Variants in NAALADL2 observed in about 807,000 individuals in gnomAD.
The protein encoded by NAALADL2 is N-acetylated alpha-linked acidic dipeptidase like 2.
A neutral mutation model predicts 87.2 loss-of-function variants in NAALADL2; 76 were observed. That is an observed-to-expected ratio of 0.87 (90% CI 0.72 to 1.05). The LOEUF is 1.05. Among genes scored for constraint, NAALADL2 ranks in the 50% least tolerant of loss-of-function variants. NAALADL2 has a pLI of 0.00. For synonymous variants in NAALADL2, 354 were observed against 331.0 expected, an observed-to-expected ratio of 1.07 and a Z score of -0.75; for missense variants, 1,089 against 945.8, an observed-to-expected ratio of 1.15 and a Z score of -1.99.
At chr3:175,512,353 T>A (rs956699515) in intron 9 of NAALADL2, among the ~76,000 whole-genome samples, 4 of 152,206 alleles carry the variant, frequency 2.6e-5, no homozygotes, top group South Asian at 2.1e-4. Flanking sequence ...CTGCAGAGGC[T>A]GTATCATGGT....
At chr3:175,047,842 C>A (rs193183309) in intron 1 of NAALADL2, among the ~76,000 whole-genome samples, 1 of 152,326 alleles carries the variant, frequency 6.6e-6, no homozygotes, top group African/African-American at 2.4e-5. Flanking sequence ...CATATATTCA[C>A]AACTGGCAAA....
chr3:175,293,134 T>A (rs1755877628), intron 4 of NAALADL2, among the ~76,000 whole-genome samples: 1 of 149,854 alleles, frequency 6.7e-6, no homozygotes, highest in South Asian at 2.1e-4. Context: ...TAGGGGAAGA[T>A]ATAGCCCTTT....
At chr3:175,178,497 G>T (rs937530538) in intron 2 of NAALADL2, among the ~76,000 whole-genome samples, 3 of 151,918 alleles carry the variant, frequency 2.0e-5, no homozygotes, top group Non-Finnish European at 2.9e-5. Flanking sequence ...GATCACGTGA[G>T]TTTATTACAG....
intron 13 of NAALADL2, among the ~76,000 whole-genome samples, chr3:175,782,852 G>A (rs62287265): frequency 7.6e-5 from 11 of 145,322 alleles, no homozygotes; most frequent in African/African-American, 2.5e-4. Flanking sequence ...TAATGTTTAA[G>A]TCTTTAATCC....
At chr3:175,014,706 T>C (rs1438266353) in intron 1 of NAALADL2, among the ~76,000 whole-genome samples, 3 of 152,172 alleles carry the variant, frequency 2.0e-5, no homozygotes, top group Admixed American at 6.6e-5. Context: ...AAGTTACTTG[T>C]ATTTTACAGG....
At chr3:174,603,806 A>T (rs961155805) in intron 2 of NAALADL2, among the ~76,000 whole-genome samples, 5 of 151,890 alleles carry the variant, frequency 3.3e-5, no homozygotes, top group Admixed American at 6.6e-5. Flanking sequence ...AGAATTTTTT[A>T]AAAATTTTTT....
intron 1 of NAALADL2, among the ~76,000 whole-genome samples, chr3:174,912,213 G>A (rs1214992510): frequency 6.6e-6 from 1 of 152,036 alleles, no homozygotes; most frequent in African/African-American, 2.4e-5. Flanking sequence ...GGGTGGGGCA[G>A]CAACAAGATA....
rs1714395357 is a variant in NAALADL2 at position 174,567,254 on chromosome 3, C to T, written c.-115+16617C>T. ...AATAAAATTGGAAATATAATGTGTA[C>T]ATATATACATATTTTAAGTAATTTT... On this transcript the variant is annotated intron_variant, in intron 2 of 3. Transcript: ENST00000434257. Among the ~76,000 whole-genome samples the T allele has an allele frequency of 4.6e-5, 7 of 151,422 alleles. No individual in the cohort carries two copies. In the South Asian group the frequency reaches 1.5e-3, roughly 31 times the overall value.
chr3:175,059,207 C>A (rs73038480), intron 1 of NAALADL2, among the ~76,000 whole-genome samples: 4,848 of 151,562 alleles, frequency 0.032, 266 homozygotes, highest in African/African-American at 0.11. Context: ...TTTTTTCCCA[C>A]AAGTTTTTCA....
At chr3:174,647,045 A>C (rs900443781) in intron 2 of NAALADL2, among the ~76,000 whole-genome samples, 1 of 152,078 alleles carries the variant, frequency 6.6e-6, no homozygotes, top group Admixed American at 6.6e-5. Flanking sequence ...TAGAAATATA[A>C]TTTACAGATG....
chr3:175,132,019 G>A (rs1303359894), intron 2 of NAALADL2, among the ~76,000 whole-genome samples: 22 of 121,770 alleles, frequency 1.8e-4, no homozygotes, highest in East Asian at 2.9e-4. Flanking sequence ...CCTCCCTCCC[G>A]GACGGGGCGG....
chr3:174,470,214 C>T (rs995843870), intron 1 of NAALADL2, among the ~76,000 whole-genome samples: 2 of 152,074 alleles, frequency 1.3e-5, no homozygotes, highest in Non-Finnish European at 2.9e-5. Flanking sequence ...GATGGTATCT[C>T]ATTGTGGGTT....
At chr3:174,928,346 T>C (rs1736387847) in intron 1 of NAALADL2, among the ~76,000 whole-genome samples, 1 of 152,162 alleles carries the variant, frequency 6.6e-6, no homozygotes, top group South Asian at 2.1e-4. Context: ...TTCAAGCGAT[T>C]CTTCTGCCTC....
intron 13 of NAALADL2, among the ~76,000 whole-genome samples, chr3:175,770,125 A>G (rs1749288972): frequency 6.6e-6 from 1 of 152,208 alleles, no homozygotes; most frequent in Non-Finnish European, 1.5e-5. Context: ...TGTTTGAACA[A>G]ACAACTGGGC....
chr3:175,601,893 A>C (rs2149640619), intron 10 of NAALADL2, among the ~76,000 whole-genome samples: 1 of 152,338 alleles, frequency 6.6e-6, no homozygotes, highest in African/African-American at 2.4e-5. Context: ...CAGAAGTTAT[A>C]AAACTTTTGC....
intron 1 of NAALADL2, among the ~76,000 whole-genome samples, chr3:175,055,012 G>A (rs909916691): frequency 6.6e-6 from 1 of 152,132 alleles, no homozygotes; most frequent in Admixed American, 6.5e-5. Context: ...ATGTTAAATT[G>A]AGCAGGTTGA....
intron 9 of NAALADL2, among the ~76,000 whole-genome samples, chr3:175,514,091 A>G (rs76849346): frequency 0.021 from 3,231 of 152,312 alleles, 58 homozygotes; most frequent in Non-Finnish European, 0.033. Context: ...CAGAAACAAG[A>G]TGGGTAACTT....
intron 2 of NAALADL2, among the ~76,000 whole-genome samples, chr3:174,664,126 AC>A (rs1430907307): frequency 1.3e-5 from 2 of 152,098 alleles, no homozygotes; most frequent in African/African-American, 4.8e-5. Flanking sequence ...AATTCTGCCA[AC>A]CCCTCTGCAA....
chr3:174,670,747 C>A (rs935766290), intron 2 of NAALADL2, among the ~76,000 whole-genome samples: 12 of 151,948 alleles, frequency 7.9e-5, no homozygotes, highest in African/African-American at 2.9e-4. Context: ...CCTTTAAAGT[C>A]ATTTTGTCCC....
Sources: allele counts gnomAD v4.1 joint callset (sites outside exome capture counted in the v4.1 genomes callset), GRCh38; gene constraint gnomAD v4.1.1; transcripts MANE v1.5; gene names NCBI Gene and HGNC (gene_info 2026-07-23, HGNC 2026-07-21).